ZBTB20: variants seen among roughly 807,000 people sequenced by gnomAD.
ZBTB20 encodes zinc finger and BTB domain-containing protein 20.
In ZBTB20, 9 loss-of-function variants were observed where a neutral mutation model predicts 56.9. The observed-to-expected ratio is 0.16, with a 90% CI of 0.10 to 0.28. The LOEUF is 0.28. Ranked by LOEUF, ZBTB20 falls within the 10% of genes least tolerant of loss-of-function variation. ZBTB20 has a pLI of 1.00. For missense variants in ZBTB20, 655 were observed against 1,003.0 expected (o/e 0.65, Z 4.69); for synonymous variants, 417 against 420.7 (o/e 0.99, Z 0.11).
chr3:114,861,378 G>C (rs1009167473), intron 4 of ZBTB20, among the ~76,000 whole-genome samples: 3 of 151,642 alleles, frequency 2.0e-5, no homozygotes, highest in African/African-American at 7.3e-5. Context: ...CCTAATATAT[G>C]GTAGGTGCTC....
At position 114,317,225 on chromosome 3, in the gene ZBTB20, C is replaced by T. The variant is rs1474677464; in HGVS notation, c.*21780G>A. The stretch of plus-strand genomic sequence containing the variant: ...ATGCAAACCCCATTTCAAAGAGCCT[C>T]TCCCATTGCTCCATTAAAATATTGC... On this transcript the variant is annotated 3_prime_UTR_variant, in exon 12 of 12. Transcript: ENST00000675478. The T allele has an allele frequency of 6.6e-6, 1 of 152,360 alleles. No homozygotes were observed. The highest frequency in any genetic ancestry group is 1.5e-5 in the Non-Finnish European group (1 of 68,202). 9.4% of individuals were successfully genotyped at this position (152,360 alleles called of 1,614,324 possible).
At chr3:114,417,861 A>G (rs371202488) in intron 7 of ZBTB20, among the ~76,000 whole-genome samples, 6 of 152,242 alleles carry the variant, frequency 3.9e-5, no homozygotes, top group African/African-American at 1.4e-4. Flanking sequence ...ATCAAAGTAT[A>G]TGCCAAGAAA....
chr3:114,508,207 A>C (rs2044881171), intron 6 of ZBTB20, among the ~76,000 whole-genome samples: 1 of 152,106 alleles, frequency 6.6e-6, no homozygotes, highest in African/African-American at 2.4e-5. Flanking sequence ...AAATGACCAA[A>C]ATGTGCCCCA....
chr3:114,777,786 A>G (rs1226648476), intron 5 of ZBTB20, among the ~76,000 whole-genome samples: 1 of 152,114 alleles, frequency 6.6e-6, no homozygotes, highest in Non-Finnish European at 1.5e-5. Flanking sequence ...CTATAAAGAC[A>G]CATGCACATG....
chr3:115,085,909 A>C (rs112934021), intron 1 of ZBTB20, among the ~76,000 whole-genome samples: 290 of 152,012 alleles, frequency 1.9e-3, no homozygotes, highest in African/African-American at 6.6e-3. Flanking sequence ...AATTAATGTA[A>C]TCCCATCTCC....
At position 115,136,257 on chromosome 3, in the gene ZBTB20, A is replaced by G. The variant is rs542386443; in HGVS notation, c.-703+10962T>C. ...AACACGTTGGGTCTTGGAAAAGTAC[A>G]GGGAAAGTCTATAATAGGTAATAAT... On this transcript the variant is annotated intron_variant, in intron 1 of 11. Coordinates refer to ENST00000675478, the MANE Select transcript of ZBTB20 (RefSeq NM_001348800.3). Among the ~76,000 whole-genome samples the G allele has an allele frequency of 1.7e-3, 263 of 152,244 alleles. 2 individuals are homozygous for G. The highest frequency in any genetic ancestry group is 2.8e-3 in the Non-Finnish European group (192 of 67,972).
At chr3:114,537,573 C>G (rs755234220) in intron 6 of ZBTB20, among the ~76,000 whole-genome samples, 2 of 152,022 alleles carry the variant, frequency 1.3e-5, no homozygotes, top group African/African-American at 4.8e-5. Context: ...TGGAAGACAG[C>G]GTGGCAATTC....
At chr3:114,534,489 C>T (rs1201478375) in intron 6 of ZBTB20, among the ~76,000 whole-genome samples, 8 of 152,106 alleles carry the variant, frequency 5.3e-5, no homozygotes, top group East Asian at 1.9e-4. Context: ...ATTCATAAAG[C>T]GAGTTCTTAG....
At chr3:114,551,567 T>C (rs781438343) in intron 6 of ZBTB20, among the ~76,000 whole-genome samples, 5 of 152,142 alleles carry the variant, frequency 3.3e-5, no homozygotes, top group African/African-American at 7.2e-5. Context: ...ATATTTGATA[T>C]ATGGAAATGA....
chr3:114,570,429 A>G (rs1158776253), intron 6 of ZBTB20, among the ~76,000 whole-genome samples: 1 of 150,972 alleles, frequency 6.6e-6, no homozygotes, highest in African/African-American at 2.4e-5. Context: ...GATATATTAT[A>G]ATACATTGTA....
chr3:114,690,058 C>A (rs1414718239), intron 6 of ZBTB20, among the ~76,000 whole-genome samples: 2 of 152,058 alleles, frequency 1.3e-5, no homozygotes, highest in Non-Finnish European at 2.9e-5. Flanking sequence ...TCTAATCTGA[C>A]AAATTTTATA....
At chr3:114,863,160 A>G (rs763966078) in intron 4 of ZBTB20, among the ~76,000 whole-genome samples, 58 of 152,130 alleles carry the variant, frequency 3.8e-4, no homozygotes, top group Non-Finnish European at 7.9e-4. Context: ...CCAGGAGGAC[A>G]TTATAGCAAA....
intron 2 of ZBTB20, among the ~76,000 whole-genome samples, chr3:115,028,143 A>G (rs900219164): frequency 6.6e-5 from 10 of 150,912 alleles, no homozygotes; most frequent in African/African-American, 2.4e-4. Context: ...TTGAAATGTC[A>G]TATCATTTGA....
intron 7 of ZBTB20, among the ~76,000 whole-genome samples, chr3:114,495,618 C>T (rs553623547): frequency 5.1e-4 from 78 of 152,090 alleles, no homozygotes; most frequent in South Asian, 1.2e-3. Context: ...AAGAGAAATG[C>T]AACCAGAGGG....
At chr3:114,553,363 C>A (rs76512427) in intron 6 of ZBTB20, among the ~76,000 whole-genome samples, 11 of 152,076 alleles carry the variant, frequency 7.2e-5, no homozygotes, top group Non-Finnish European at 1.3e-4. Flanking sequence ...ACTTCCACTC[C>A]ATGAACACTT....
intron 6 of ZBTB20, among the ~76,000 whole-genome samples, chr3:114,511,172 A>T (rs549261654): frequency 1.6e-3 from 243 of 152,232 alleles, no homozygotes; most frequent in Non-Finnish European, 2.8e-3. Context: ...TGGCAAAGAA[A>T]AGAAATATAA....
intron 4 of ZBTB20, among the ~76,000 whole-genome samples, chr3:114,820,967 C>T (rs1012981499): frequency 6.6e-6 from 1 of 152,018 alleles, no homozygotes; most frequent in Non-Finnish European, 1.5e-5. Context: ...GTTTACTTGG[C>T]CCATTTAGAC....
chr3:114,542,958 A>C (rs1032974705), intron 6 of ZBTB20, among the ~76,000 whole-genome samples: 1 of 152,166 alleles, frequency 6.6e-6, no homozygotes, highest in Non-Finnish European at 1.5e-5. Flanking sequence ...CTATACTGAA[A>C]CTATGAATCA....
intron 6 of ZBTB20, among the ~76,000 whole-genome samples, chr3:114,607,892 G>A (rs1272390932): frequency 6.6e-6 from 1 of 152,176 alleles, no homozygotes; most frequent in Admixed American, 6.5e-5. Flanking sequence ...CAAGGCTGCA[G>A]AAGAATTTAA....
Sources: gnomAD v4.1 joint callset for allele counts (sites outside exome capture counted in the v4.1 genomes callset) on GRCh38, gnomAD v4.1.1 for gene constraint, MANE v1.5 for transcripts, NCBI Gene and HGNC (gene_info 2026-07-23, HGNC 2026-07-21) for gene names.